The following TRIO variants were observed in gnomAD, a reference collection of about 807,000 sequenced individuals.
TRIO encodes the protein triple functional domain protein.
In TRIO, 58 loss-of-function variants were observed where a neutral mutation model predicts 351.9. The ratio of observed to expected loss-of-function variants is 0.16; its 90% CI spans 0.13 to 0.21. The LOEUF (loss-of-function observed/expected upper bound fraction) is 0.21, where lower values mean the gene tolerates loss of function less well. TRIO is among the 10% of genes least tolerant of loss of function. The pLI is 1.00. For synonymous variants in TRIO, 1,758 were observed against 1,595.7 expected (o/e 1.10, Z -2.42); for missense variants, 3,201 against 4,027.8 (o/e 0.79, Z 5.56).
intron 20 of TRIO, among the ~76,000 whole-genome samples, chr5:14,379,914 G>A (rs572921974): frequency 1.3e-5 from 2 of 152,302 alleles, no homozygotes; most frequent in African/African-American, 4.8e-5. Flanking sequence ...GGCCTCCAGG[G>A]CTCTTGCTGA....
At chr5:14,454,958 C>A (rs1034736589) in intron 34 of TRIO, among the ~76,000 whole-genome samples, 1 of 148,594 alleles carries the variant, frequency 6.7e-6, no homozygotes, top group African/African-American at 2.5e-5. Context: ...GTGAGTGTTA[C>A]AGCGCTTAAG....
intron 20 of TRIO, among the ~76,000 whole-genome samples, chr5:14,380,104 G>A (rs1745938559): frequency 6.6e-6 from 1 of 152,142 alleles, no homozygotes; most frequent in Admixed American, 6.5e-5. Context: ...CTCCATTTCT[G>A]GTCTCCGGAT....
intron 1 of TRIO, among the ~76,000 whole-genome samples, chr5:14,230,340 T>TTGTGTGTGTGTG (rs59717445): frequency 0.023 from 3,399 of 149,036 alleles, 148 homozygotes; most frequent in African/African-American, 0.08. Flanking sequence ...GGCAAGATGT[T>TTGTGTGTGTGTG]TGTGTGTGTG....
intron 9 of TRIO, among the ~76,000 whole-genome samples, chr5:14,326,674 T>C (rs1402103053): frequency 6.6e-6 from 1 of 152,180 alleles, no homozygotes; most frequent in Non-Finnish European, 1.5e-5. Context: ...ACAGAGCAAA[T>C]AGATAACAGG....
intron 48 of TRIO, 35 bp from the exon 49 acceptor site, chr5:14,492,532 C>T (rs1756563977): frequency 1.2e-6 from 2 of 1,606,732 alleles, no homozygotes; most frequent in African/African-American, 2.7e-5. Flanking sequence ...TCAGTTCCTC[C>T]CTGCCTTTCT....
At chr5:14,367,119 C>A (rs774330222) in intron 16 of TRIO, 140 bp downstream of exon 16, 1 of 1,199,942 alleles carries the variant, frequency 8.3e-7, no homozygotes, top group Non-Finnish European at 1.1e-6. Context: ...AAATTGGCAA[C>A]GCTTCTAAGT....
intron 1 of TRIO, among the ~76,000 whole-genome samples, chr5:14,226,280 A>G (rs1050486059): frequency 1.3e-5 from 2 of 150,672 alleles, no homozygotes; most frequent in Admixed American, 6.6e-5. Context: ...TGGTGTCACC[A>G]GGTTAGAAGG....
Position 14,507,296 on chromosome 5 carries a change from A to G in TRIO, c.8751+36A>G, listed in dbSNP as rs1380589361. On this transcript the variant is annotated intron_variant, in intron 56 of 56. Transcript: ENST00000344204. ...CCCCGGGCAGGTGAAGGGGGGTCTG[A>G]GCACACCGGCTTGGCCATGCGGGAC... 6 of 1,607,918 alleles carry G rather than the reference A, an allele frequency of 3.7e-6. No homozygotes were observed. In the African/African-American group the frequency reaches 6.7e-5, roughly 18 times the overall value.
At chr5:14,504,778 G>A (rs1011302418) in intron 55 of TRIO, 185 bp downstream of exon 55, 6 of 723,714 alleles carry the variant, frequency 8.3e-6, no homozygotes, top group Non-Finnish European at 1.3e-5. Flanking sequence ...AAGCAGTGTG[G>A]TCTTCCACAG....
chr5:14,213,519 C>G (rs1291798423), intron 1 of TRIO, among the ~76,000 whole-genome samples: 1 of 152,060 alleles, frequency 6.6e-6, no homozygotes, highest in Non-Finnish European at 1.5e-5. Flanking sequence ...ATGCCAAGGA[C>G]ACCTTTACTA....
chr5:14,428,225 G>A lies in TRIO; in HGVS notation c.5203+8204G>A, dbSNP rs527719166. On this transcript the variant is annotated intron_variant, in intron 34 of 56. Coordinates refer to ENST00000344204, the MANE Select transcript of TRIO (RefSeq NM_007118.4). ...GAGTTTAGTGACATTAAAAAGTTTA[G>A]TCGAAAATATCGTGATTCAGGTATA... is the stretch of plus-strand genomic sequence containing the variant. Among the ~76,000 whole-genome samples, 384 of 152,232 alleles carry A rather than the reference G, an allele frequency of 2.5e-3. 2 individuals are homozygous for A. The highest frequency in any genetic ancestry group is 0.014 in the South Asian group (67 of 4,824).
intron 1 of TRIO, among the ~76,000 whole-genome samples, chr5:14,260,820 A>G (rs1030992658): frequency 6.6e-6 from 1 of 152,198 alleles, no homozygotes; most frequent in African/African-American, 2.4e-5. Flanking sequence ...TGTATTTTAA[A>G]TTCAACATAA....
At chr5:14,375,550 C>T (rs1745479726) in intron 19 of TRIO, among the ~76,000 whole-genome samples, 1 of 152,208 alleles carries the variant, frequency 6.6e-6, no homozygotes, top group African/African-American at 2.4e-5. Flanking sequence ...TCAGAGCCTA[C>T]TTGGGGGTGA....
intron 1 of TRIO, chr5:14,184,089 A>G (rs539768051): frequency 8.1e-6 from 5 of 618,694 alleles, no homozygotes; most frequent in African/African-American, 5.5e-5. Flanking sequence ...ATGAGCAGCC[A>G]TGACAGAGAA....
At chr5:14,401,283 G>A (rs1021769598) in intron 31 of TRIO, among the ~76,000 whole-genome samples, 1 of 152,214 alleles carries the variant, frequency 6.6e-6, no homozygotes, top group African/African-American at 2.4e-5. Context: ...CTTGACTCCT[G>A]AAAGGGCAAA....
At position 14,508,429 on chromosome 5, in the gene TRIO, CAGA is replaced by C. The variant is rs766313533; in HGVS notation, c.*10_*12del. ...GCTTCTGCCTAGAGTTTGACCTATC[CAGA>C]AGTTCTTTCTCATTCTCTTTCACCT... On this transcript the variant is annotated 3_prime_UTR_variant, in exon 57 of 57. Coordinates refer to ENST00000344204, the MANE Select transcript of TRIO (RefSeq NM_007118.4). The C allele has an allele frequency of 6.4e-7, 1 of 1,574,696 alleles. No individual in the cohort carries two copies. The highest frequency in any genetic ancestry group is 8.6e-7 in the Non-Finnish European group (1 of 1,160,382).
rs116845735 is a variant in TRIO at position 14,311,042 on chromosome 5, G to A, written c.1501-5471G>A. Among the ~76,000 whole-genome samples the A allele has an allele frequency of 1.4e-3, 208 of 152,304 alleles. 1 individual carries two copies. In the East Asian group the frequency reaches 0.023, roughly 17 times the overall value. On this transcript the variant is annotated intron_variant, in intron 8 of 56. Coordinates refer to ENST00000344204, the MANE Select transcript of TRIO (RefSeq NM_007118.4). The stretch of plus-strand genomic sequence containing the variant: ...TTAAAGATCGCAGTGTTGCTGTAGC[G>A]ACATGCAGTGCTGTAGTCAGCATCT...
chr5:14,162,020 C>T (rs1788488590), intron 1 of TRIO, among the ~76,000 whole-genome samples: 1 of 152,272 alleles, frequency 6.6e-6, no homozygotes, highest in Middle Eastern at 3.4e-3. Flanking sequence ...TGCCTGGTCT[C>T]TACTGGGAAT....
rs548398886 is a variant in TRIO, at chr5:14,310,788, C to T, written c.1501-5725C>T. On this transcript the variant is annotated intron_variant, in intron 8 of 56. Transcript: ENST00000344204. ...GCAACCTCTGCCTCCTGGGTTCAAGCGATTCTTGTGTCTTAGCCTCCTGAG... is the reference window on the plus strand; with the variant it reads ...GCAACCTCTGCCTCCTGGGTTCAAGTGATTCTTGTGTCTTAGCCTCCTGAG... Among the ~76,000 whole-genome samples the T allele has an allele frequency of 2.8e-4, 43 of 152,288 alleles. No individual in the cohort carries two copies. In the South Asian group the frequency reaches 5.2e-3, roughly 18 times the overall value.
Sources: allele counts gnomAD v4.1 joint callset (sites outside exome capture counted in the v4.1 genomes callset), GRCh38; gene constraint gnomAD v4.1.1; transcripts MANE v1.5; gene names NCBI Gene and HGNC (gene_info 2026-07-23, HGNC 2026-07-21).